TUSC3: variants seen among roughly 807,000 people sequenced by gnomAD.
TUSC3 encodes dolichyl-diphosphooligosaccharide--protein glycosyltransferase subunit TUSC3.
Under a neutral mutation model 44.8 loss-of-function variants are expected in TUSC3, and 45 were observed. The ratio of observed to expected loss-of-function variants is 1.00; its 90% CI spans 0.79 to 1.29. The LOEUF (loss-of-function observed/expected upper bound fraction) is 1.29. Among genes scored for constraint, TUSC3 ranks in the 50% most tolerant of loss-of-function variants. The pLI, the probability that TUSC3 is intolerant of heterozygous loss-of-function variation, is 0.00. For missense variants in TUSC3, 519 were observed against 437.9 expected (o/e 1.19, Z -1.65); for synonymous variants, 212 against 152.9 (o/e 1.39, Z -2.85).
At chr8:15,733,578 A>G (rs1486099201) in intron 7 of TUSC3, 2 of 227,852 alleles carry the variant, frequency 8.8e-6, no homozygotes, top group African/African-American at 4.7e-5. Context: ...TTTCACAAGC[A>G]GTGTGAATGT....
chr8:15,449,603 G>T (rs1800166258), intron 1 of TUSC3, among the ~76,000 whole-genome samples: 1 of 152,140 alleles, frequency 6.6e-6, no homozygotes, highest in Admixed American at 6.6e-5. Flanking sequence ...CCTAATGGAG[G>T]TTATTGAGGG....
the TUSC3 span, among the ~76,000 whole-genome samples, chr8:15,809,702 G>A: frequency 6.6e-6 from 1 of 152,106 alleles, no homozygotes; most frequent in Non-Finnish European, 1.5e-5. Context: ...ATATCTGATT[G>A]TACTGTATTC....
the TUSC3 span, among the ~76,000 whole-genome samples, chr8:15,845,047 C>G: frequency 6.6e-6 from 1 of 152,066 alleles, no homozygotes; most frequent in Non-Finnish European, 1.5e-5. Flanking sequence ...ATAGTACCAC[C>G]TAATTAAAAA....
intron 1 of TUSC3, among the ~76,000 whole-genome samples, chr8:15,541,521 G>A (rs932454130): frequency 1.5e-4 from 23 of 152,110 alleles, no homozygotes; most frequent in Non-Finnish European, 2.9e-4. Context: ...TTAATAGCTG[G>A]GTAGAGACAG....
At chr8:15,451,925 T>G (rs1184265576) in intron 1 of TUSC3, among the ~76,000 whole-genome samples, 1 of 152,030 alleles carries the variant, frequency 6.6e-6, no homozygotes, top group African/African-American at 2.4e-5. Flanking sequence ...GGAAAAACAG[T>G]TTTTTTGCTA....
chr8:15,417,978 T>G lies in TUSC3; in HGVS notation n.91+673T>G, dbSNP rs146804538. ...CAGAAACAATTATTAAAACTCTACA[T>G]GCCTGGGAAACTCTGACACTTTATA... On this transcript the variant is annotated intron_variant and non_coding_transcript_variant, in intron 1 of 5. Transcript: ENST00000503191. 9.4e-4 allele frequency among the ~76,000 whole-genome samples: 143 copies of G among 152,274 alleles called. 1 individual carries two copies. Among genetic ancestry groups the G allele is most frequent in the African/African-American group, 3.4e-3 (142 of 41,562 alleles).
chr8:15,798,314 G>A, the TUSC3 span, among the ~76,000 whole-genome samples: 2 of 152,194 alleles, frequency 1.3e-5, no homozygotes, highest in East Asian at 1.9e-4. Flanking sequence ...TTTCTTTCAC[G>A]GGTCTGCATA....
At chr8:15,704,178 A>G (rs1809519507) in intron 6 of TUSC3, among the ~76,000 whole-genome samples, 1 of 151,996 alleles carries the variant, frequency 6.6e-6, no homozygotes, top group African/African-American at 2.4e-5. Context: ...ACCTGAAGGA[A>G]ATGAGAGAGT....
intron 6 of TUSC3, among the ~76,000 whole-genome samples, chr8:15,680,166 G>C (rs13276710): frequency 0.21 from 31,780 of 151,810 alleles, 4,250 homozygotes; most frequent in Non-Finnish European, 0.3. Context: ...CCCGTAGATT[G>C]CTTTGGGCAG....
At chr8:15,465,275 CTT>C (rs1375631676) in intron 1 of TUSC3, among the ~76,000 whole-genome samples, 5 of 152,170 alleles carry the variant, frequency 3.3e-5, no homozygotes, top group African/African-American at 1.2e-4. Flanking sequence ...AGACTACACT[CTT>C]AGTGTAAGGA....
At chr8:15,482,973 T>G (rs542766325) in intron 1 of TUSC3, among the ~76,000 whole-genome samples, 10 of 151,964 alleles carry the variant, frequency 6.6e-5, no homozygotes, top group Admixed American at 5.2e-4. Context: ...CACTGGTAAT[T>G]AAGCTGTAGA....
chr8:15,536,681 C>CAAAAAAAAAAAAAAAA (rs570573410), upstream of TUSC3, among the ~76,000 whole-genome samples: 9 of 45,602 alleles, frequency 2.0e-4, 2 homozygotes, highest in African/African-American at 4.5e-4. Flanking sequence ...GATTCCGTCT[C>CAAAAAAAAAAAAAAAA]AAAAAAAAAA....
At chr8:15,540,709 T>G (rs1479532470) in intron 1 of TUSC3, 141 bp downstream of exon 1, 1 of 1,168,550 alleles carries the variant, frequency 8.6e-7, no homozygotes, top group African/African-American at 1.6e-5. Flanking sequence ...GCCGCGAGGG[T>G]GGGAGGCCCT....
intron 2 of TUSC3, among the ~76,000 whole-genome samples, chr8:15,530,046 A>G (rs930872099): frequency 4.5e-5 from 6 of 132,830 alleles, no homozygotes; most frequent in Non-Finnish European, 7.8e-5. Context: ...CGGCCTCCCA[A>G]AGTGCTGGGA....
intron 1 of TUSC3, among the ~76,000 whole-genome samples, chr8:15,587,240 A>G (rs1405396998): frequency 6.6e-6 from 1 of 152,170 alleles, no homozygotes; most frequent in Non-Finnish European, 1.5e-5. Context: ...CTTATTCCTT[A>G]CACTGCTCTC....
At chr8:15,634,352 G>A (rs1456082499) in intron 2 of TUSC3, among the ~76,000 whole-genome samples, 3 of 152,128 alleles carry the variant, frequency 2.0e-5, no homozygotes, top group Admixed American at 6.5e-5. Context: ...AGACAGACCC[G>A]CAGGGAGTAG....
chr8:15,780,196 C>G, the TUSC3 span, among the ~76,000 whole-genome samples: 7 of 152,140 alleles, frequency 4.6e-5, no homozygotes, highest in African/African-American at 1.7e-4. Context: ...TTCAAAGATT[C>G]TGATGAACTG....
chr8:15,568,894 A>G (rs1375061672), intron 1 of TUSC3, among the ~76,000 whole-genome samples: 1 of 150,880 alleles, frequency 6.6e-6, no homozygotes, highest in African/African-American at 2.4e-5. Flanking sequence ...TTTTCCTCAT[A>G]TTTCATTCTA....
At chr8:15,729,678 G>C (rs1773255052) in intron 6 of TUSC3, among the ~76,000 whole-genome samples, 1 of 152,106 alleles carries the variant, frequency 6.6e-6, no homozygotes, top group Admixed American at 6.6e-5. Context: ...CATGGACAGA[G>C]AGGGGAACAG....
Sources: allele counts gnomAD v4.1 joint callset (sites outside exome capture counted in the v4.1 genomes callset), GRCh38; gene constraint gnomAD v4.1.1; transcripts MANE v1.5; gene names NCBI Gene and HGNC (gene_info 2026-07-23, HGNC 2026-07-21).